Variants in TG observed in about 807,000 individuals in gnomAD.
TG encodes the protein thyroid hormones.
TG carries 270 observed loss-of-function variants against 324.7 expected under a neutral mutation model. The ratio of observed to expected loss-of-function variants is 0.83; its 90% CI spans 0.75 to 0.92. TG has a LOEUF of 0.92. Among genes scored for constraint, TG ranks in the 40% least tolerant of loss-of-function variants. The pLI, the probability that TG is intolerant of heterozygous loss-of-function variation, is 0.00. For synonymous variants in TG, 1,401 were observed against 1,327.0 expected, an observed-to-expected ratio of 1.06 and a Z score of -1.21; for missense variants, 3,591 against 3,456.4, an observed-to-expected ratio of 1.04 and a Z score of -0.98.
At chr8:132,911,882 G>T (rs1391374286) in intron 19 of TG, among the ~76,000 whole-genome samples, 1 of 152,170 alleles carries the variant, frequency 6.6e-6, no homozygotes, top group Non-Finnish European at 1.5e-5. Flanking sequence ...GTTTCTAATT[G>T]TAAAACATTT....
intron 32 of TG, 72 bp from the exon 33 acceptor site, chr8:132,971,719 TACC>T (rs773418322): frequency 3.9e-6 from 4 of 1,034,876 alleles, no homozygotes; most frequent in Non-Finnish European, 6.1e-6. Context: ...CAAGAATGAC[TACC>T]ATCAGCCCAC....
At chr8:133,093,727 C>T (rs1390103041) in intron 41 of TG, among the ~76,000 whole-genome samples, 1 of 152,032 alleles carries the variant, frequency 6.6e-6, no homozygotes, top group Non-Finnish European at 1.5e-5. Context: ...ATCATCGTAA[C>T]AACAGTGCCA....
At chr8:133,047,543 C>A in intron 41 of TG, 2 of 447,354 alleles carry the variant, frequency 4.5e-6, no homozygotes, top group Non-Finnish European at 4.2e-6. Flanking sequence ...CTACACACTG[C>A]GTTCAGTTTT....
intron 31 of TG, among the ~76,000 whole-genome samples, chr8:132,968,860 A>G (rs1006123237): frequency 6.6e-6 from 1 of 152,184 alleles, no homozygotes; most frequent in Non-Finnish European, 1.5e-5. Flanking sequence ...CTCAATATTC[A>G]TTATGCAGGC....
In TG at chr8:132,908,297, T is replaced by C; in HGVS notation, c.3959T>C (p.Phe1320Ser). 6.2e-7 allele frequency: 1 copy of C among 1,613,442 alleles called. No individual in the cohort carries two copies. Among genetic ancestry groups the C allele is most frequent in the Non-Finnish European group, 8.5e-7 (1 of 1,179,814 alleles). The change falls in exon 18 of 48, where the codon TTC (phenylalanine) becomes TCC (serine). Residue 1320 changes from phenylalanine (F) to serine (S), a missense_variant. Coordinates refer to ENST00000220616, the MANE Select transcript of TG (RefSeq NM_003235.5). Reference sequence around the variant, plus strand: ...GATTTGCTGCAGACTTTCCAGGTTTTCATATTGGATGAGCTGACAGCCCGC... The same window carrying C: ...GATTTGCTGCAGACTTTCCAGGTTTCCATATTGGATGAGCTGACAGCCCGC... Reference protein sequence around the residue: ...YADLLQTFQVFILDELTARGF... With the variant: ...YADLLQTFQVSILDELTARGF...
intron 11 of TG, 86 bp downstream of exon 11, chr8:132,894,015 A>T: frequency 1.2e-6 from 2 of 1,607,324 alleles, no homozygotes; most frequent in Non-Finnish European, 1.7e-6. Flanking sequence ...CATCCTTAGG[A>T]CTTTGTGGTT....
chr8:133,093,146 T>TTCTTTTC (rs879559542), intron 41 of TG, among the ~76,000 whole-genome samples: 6 of 139,086 alleles, frequency 4.3e-5, no homozygotes, highest in African/African-American at 1.5e-4. Context: ...TTTCTTTTTT[T>TTCTTTTC]TTTTTAATTT....
At chr8:133,079,979 A>C (rs760500110) in intron 41 of TG, among the ~76,000 whole-genome samples, 10 of 151,990 alleles carry the variant, frequency 6.6e-5, no homozygotes, top group Non-Finnish European at 1.2e-4. Context: ...ACAATAATTT[A>C]ATAACAGTTT....
intron 16 of TG, among the ~76,000 whole-genome samples, chr8:132,905,809 T>A (rs1818592244): frequency 6.6e-6 from 1 of 152,134 alleles, no homozygotes; most frequent in African/African-American, 2.4e-5. Context: ...AAGACCTAAG[T>A]CTGCCTGGGA....
At chr8:133,062,413 C>T (rs185534850) in intron 41 of TG, among the ~76,000 whole-genome samples, 1 of 152,388 alleles carries the variant, frequency 6.6e-6, no homozygotes, top group Admixed American at 6.5e-5. Context: ...AGAAACACAG[C>T]AGGTGGCGTG....
chr8:132,988,831 G>A, intron 35 of TG: 1 of 985,314 alleles, frequency 1.0e-6, no homozygotes, highest in Non-Finnish European at 1.2e-6. Flanking sequence ...ATCTCCTAAG[G>A]GTTTATTCCC....
intron 35 of TG, chr8:133,002,834 C>A: frequency 4.7e-6 from 1 of 214,536 alleles, no homozygotes; most frequent in Non-Finnish European, 8.8e-6. Flanking sequence ...TGTCAAGAAT[C>A]ATGCCCTTGT....
intron 44 of TG, among the ~76,000 whole-genome samples, chr8:133,114,126 C>A (rs572527795): frequency 6.6e-6 from 1 of 152,204 alleles, no homozygotes; most frequent in African/African-American, 2.4e-5. Flanking sequence ...CAGGCCCACC[C>A]GGCACGTGGG....
chr8:133,070,332 A>G (rs1026474671), intron 41 of TG, among the ~76,000 whole-genome samples: 5 of 150,212 alleles, frequency 3.3e-5, no homozygotes, highest in African/African-American at 9.7e-5. Context: ...CTTTCTCCCA[A>G]CAAGCATCTG....
At chr8:132,958,909 AGG>A (rs1439508663) in intron 27 of TG, among the ~76,000 whole-genome samples, 3 of 152,130 alleles carry the variant, frequency 2.0e-5, no homozygotes, top group African/African-American at 7.2e-5. Context: ...TGCAGTGTGG[AGG>A]ACAAGGAGGA....
chr8:133,110,585 A>G (rs1355537048), intron 43 of TG, among the ~76,000 whole-genome samples: 1 of 152,190 alleles, frequency 6.6e-6, no homozygotes, highest in African/African-American at 2.4e-5. Context: ...TCAGTTTTCT[A>G]ATTGAAACCA....
chr8:132,921,309 G>T (rs1480923114), intron 21 of TG, among the ~76,000 whole-genome samples: 3 of 152,318 alleles, frequency 2.0e-5, no homozygotes, highest in African/African-American at 7.2e-5. Context: ...CATTTTGGGG[G>T]TGAGCATTGA....
chr8:133,026,569 G>A (rs1836102501), intron 40 of TG, among the ~76,000 whole-genome samples: 1 of 152,232 alleles, frequency 6.6e-6, no homozygotes, highest in Admixed American at 6.5e-5. Context: ...TGGGGTGGTG[G>A]CATCAGACGG....
In TG at chr8:133,015,171, A is replaced by G. The variant is rs78786716; in HGVS notation, c.6562+1407A>G. On this transcript the variant is annotated intron_variant, in intron 37 of 47. Coordinates refer to ENST00000220616, the MANE Select transcript of TG (RefSeq NM_003235.5). ...TATAGATTTTAATAGTATATTTCAC[A>G]ACAGTGTGGGCAATCTGTGTGGTAG... Among the ~76,000 whole-genome samples, 57 of 152,322 alleles carry G rather than the reference A, an allele frequency of 3.7e-4. 2 individuals are homozygous for G. In the East Asian group the frequency reaches 0.01, roughly 28 times the overall value.
Sources: gnomAD v4.1 joint callset for allele counts (sites outside exome capture counted in the v4.1 genomes callset) on GRCh38, gnomAD v4.1.1 for gene constraint, MANE v1.5 for transcripts, NCBI Gene and HGNC (gene_info 2026-07-23, HGNC 2026-07-21) for gene names.